Variants in ERO1A observed in about 807,000 individuals in gnomAD.
ERO1A encodes ERO1-like protein alpha.
Under a neutral mutation model 76.9 loss-of-function variants are expected in ERO1A, and 49 were observed. The observed-to-expected ratio is 0.64, with a 90% CI of 0.51 to 0.81. The LOEUF is 0.81. ERO1A is among the 30% of genes least tolerant of loss of function. The pLI is 0.00. For missense variants in ERO1A, 448 were observed against 542.1 expected, an observed-to-expected ratio of 0.83 and a Z score of 1.72; for synonymous variants, 174 against 181.2, an observed-to-expected ratio of 0.96 and a Z score of 0.32.
intron 11 of ERO1A, among the ~76,000 whole-genome samples, chr14:52,653,691 T>C (rs914288105): frequency 6.6e-6 from 1 of 152,062 alleles, no homozygotes; most frequent in African/African-American, 2.4e-5. Flanking sequence ...AACTCTACAC[T>C]TTTAGTTACT....
intron 7 of ERO1A, among the ~76,000 whole-genome samples, chr14:52,666,152 GC>G (rs2040402675): frequency 6.6e-6 from 1 of 152,100 alleles, no homozygotes; most frequent in Non-Finnish European, 1.5e-5. Flanking sequence ...TTTGTCAAGG[GC>G]CTACAATACT....
chr14:52,664,020 G>A, intron 7 of ERO1A, 173 bp from the exon 8 acceptor site: 1 of 461,480 alleles, frequency 2.2e-6, no homozygotes. Context: ...ATTTGTTGTA[G>A]TGATAATAGT....
At chr14:52,656,886 T>C (rs1413913279) in intron 11 of ERO1A, among the ~76,000 whole-genome samples, 3 of 151,978 alleles carry the variant, frequency 2.0e-5, no homozygotes, top group African/African-American at 7.2e-5. Context: ...CATGGCCAAA[T>C]CTTGTCTCTA....
chr14:52,655,579 T>C (rs546644589), intron 11 of ERO1A, among the ~76,000 whole-genome samples: 1 of 152,186 alleles, frequency 6.6e-6, no homozygotes, highest in Non-Finnish European at 1.5e-5. Context: ...CTCTGTGGAT[T>C]TGAAATCTGG....
intron 8 of ERO1A, among the ~76,000 whole-genome samples, chr14:52,662,559 A>G (rs2040264454): frequency 1.3e-5 from 2 of 152,382 alleles, no homozygotes; most frequent in South Asian, 4.1e-4. Context: ...GAAGAGAATA[A>G]GGATACATAA....
intron 7 of ERO1A, among the ~76,000 whole-genome samples, chr14:52,665,531 G>C (rs541758338): frequency 2.0e-5 from 3 of 151,432 alleles, no homozygotes; most frequent in Non-Finnish European, 4.4e-5. Context: ...CTTATAAAAA[G>C]TGAAATATAT....
intron 4 of ERO1A, among the ~76,000 whole-genome samples, chr14:52,676,619 T>G (rs2040793277): frequency 6.6e-6 from 1 of 152,214 alleles, no homozygotes; most frequent in African/African-American, 2.4e-5. Context: ...AGATTTAGTT[T>G]CTTTGCATCT....
chr14:52,695,233 G>C (rs2041511613), intron 1 of ERO1A, 135 bp downstream of exon 1: 1 of 571,028 alleles, frequency 1.8e-6, no homozygotes, highest in African/African-American at 1.9e-5. Context: ...CCACCGGGCA[G>C]CAGCACCGGA....
rs2039646949 is a variant in ERO1A, at chr14:52,646,192, G to C, written c.1308C>G (p.Thr436=). 9 of 1,612,226 alleles carry C rather than the reference G, an allele frequency of 5.6e-6. No individual in the cohort carries two copies. Among genetic ancestry groups the C allele is most frequent in the African/African-American group, 1.3e-5 (1 of 74,808 alleles). ...TGAATAATGATACTATTTCTTGTCT[G>C]GTTAGATGGAATTCATAACTAGGTC... is the stretch of plus-strand genomic sequence containing the variant. ...ESGPSYEFHL[T]RQEIVSLFNA... is the part of the protein sequence containing the mutation. The change falls in exon 15 of 16, where the codon ACC becomes ACG. Residue 436 remains threonine, a synonymous_variant. Coordinates refer to ENST00000395686, the MANE Select transcript of ERO1A (RefSeq NM_014584.3).
At chr14:52,679,258 C>T (rs2139747568) in intron 3 of ERO1A, among the ~76,000 whole-genome samples, 1 of 152,246 alleles carries the variant, frequency 6.6e-6, no homozygotes, top group Admixed American at 6.5e-5. Flanking sequence ...TGTTACTTTA[C>T]CAGTCTCTTC....
chr14:52,673,802 G>C (rs924902657), intron 4 of ERO1A, among the ~76,000 whole-genome samples: 1 of 151,956 alleles, frequency 6.6e-6, no homozygotes, highest in Non-Finnish European at 1.5e-5. Flanking sequence ...CAGTGGCACA[G>C]ACTTGGCTCA....
intron 8 of ERO1A, among the ~76,000 whole-genome samples, chr14:52,663,113 T>C (rs1436290746): frequency 6.6e-6 from 1 of 152,126 alleles, no homozygotes; most frequent in African/African-American, 2.4e-5. Flanking sequence ...TATAAAGACA[T>C]GTAAAGTTGA....
chr14:52,655,986 C>T (rs2040030072), intron 11 of ERO1A, among the ~76,000 whole-genome samples: 1 of 152,160 alleles, frequency 6.6e-6, no homozygotes, highest in African/African-American at 2.4e-5. Flanking sequence ...ACATAGTTAA[C>T]ATTTCTGTGG....
chr14:52,657,847 A>C (rs2040101237), intron 11 of ERO1A, 70 bp downstream of exon 11: 1 of 1,078,620 alleles, frequency 9.3e-7, no homozygotes, highest in Non-Finnish European at 1.4e-6. Flanking sequence ...CATTCAGGTA[A>C]ATGCCAGGAA....
At chr14:52,647,199 A>AC (rs2039700302) in intron 13 of ERO1A, 1 of 105,276 alleles carries the variant, frequency 9.5e-6, no homozygotes, top group African/African-American at 3.7e-5. Flanking sequence ...GCAGGGTTTC[A>AC]CCATGTTAGC....
chr14:52,683,336 A>T (rs897513747), intron 2 of ERO1A, among the ~76,000 whole-genome samples: 4 of 152,228 alleles, frequency 2.6e-5, no homozygotes, highest in African/African-American at 9.7e-5. Flanking sequence ...ACAATTGTAA[A>T]CTGACTACAA....
At chr14:52,688,959 T>C (rs144744004) in intron 1 of ERO1A, among the ~76,000 whole-genome samples, 1 of 152,310 alleles carries the variant, frequency 6.6e-6, no homozygotes, top group East Asian at 1.9e-4. Context: ...ATATTCCTCA[T>C]ATACTTTTTT....
Position 52,677,028 on chromosome 14 carries a change from G to A in ERO1A, c.357+1406C>T, listed in dbSNP as rs192084057. Among the ~76,000 whole-genome samples, 65 of 152,254 alleles carry A rather than the reference G, an allele frequency of 4.3e-4. 2 individuals are homozygous for A. In the South Asian group the frequency reaches 9.9e-3, roughly 23 times the overall value. ...ACAGGTATAAGCCAGTTCTGTTCCA[G>A]ACAAACCCTGGCATATGGTCACTCT... On this transcript the variant is annotated intron_variant, in intron 4 of 15. Coordinates refer to ENST00000395686, the MANE Select transcript of ERO1A (RefSeq NM_014584.3).
chr14:52,680,379 A>C (rs968002393), intron 3 of ERO1A, among the ~76,000 whole-genome samples: 2 of 152,220 alleles, frequency 1.3e-5, no homozygotes, highest in African/African-American at 2.4e-5. Flanking sequence ...TTTATGCTAC[A>C]GTATTTTCAG....
Sources: allele counts gnomAD v4.1 joint callset (sites outside exome capture counted in the v4.1 genomes callset), GRCh38; gene constraint gnomAD v4.1.1; transcripts MANE v1.5; gene names NCBI Gene and HGNC (gene_info 2026-07-23, HGNC 2026-07-21).